Variants in RPS6KA2 observed in about 807,000 individuals in gnomAD.
The protein encoded by RPS6KA2 is ribosomal protein S6 kinase alpha-2.
Under a neutral mutation model 91.8 loss-of-function variants are expected in RPS6KA2, and 42 were observed. That is an observed-to-expected ratio of 0.46 (90% confidence interval 0.36 to 0.59). The LOEUF (loss-of-function observed/expected upper bound fraction) is 0.59, where lower values mean the gene tolerates loss of function less well. Ranked by LOEUF, RPS6KA2 falls within the 20% of genes least tolerant of loss-of-function variation. RPS6KA2 has a pLI of 0.00. For synonymous variants in RPS6KA2, 414 were observed against 393.6 expected (o/e 1.05, Z -0.61); for missense variants, 798 against 978.5 (o/e 0.82, Z 2.46).
chr6:166,633,923 G>C (rs1483483211), intron 2 of RPS6KA2, among the ~76,000 whole-genome samples: 6 of 152,148 alleles, frequency 3.9e-5, no homozygotes, highest in South Asian at 4.1e-4. Context: ...TGGGGAGGGA[G>C]GAAGGACTAG....
At chr6:166,589,953 A>G (rs1206279438) in intron 1 of RPS6KA2, among the ~76,000 whole-genome samples, 1 of 152,182 alleles carries the variant, frequency 6.6e-6, no homozygotes, top group Non-Finnish European at 1.5e-5. Context: ...CAAGTGAGAT[A>G]CACAGAAAAC....
chr6:166,550,113 C>G lies in RPS6KA2; in HGVS notation c.100-11329G>C, dbSNP rs185747189. ...GTAGGAAAAATATTTATGGAAAATACGTCAAGATATTAGAAGTGATAGTAT... is the reference window on the plus strand; with the variant it reads ...GTAGGAAAAATATTTATGGAAAATAGGTCAAGATATTAGAAGTGATAGTAT... On this transcript the variant is annotated intron_variant, in intron 1 of 20. Coordinates refer to ENST00000265678, the MANE Select transcript of RPS6KA2 (RefSeq NM_021135.6). 2.4e-3 allele frequency among the ~76,000 whole-genome samples: 359 copies of G among 152,230 alleles called. 2 individuals carry two copies. Among genetic ancestry groups the G allele is most frequent in the African/African-American group, 6.0e-3 (249 of 41,550 alleles).
chr6:166,759,322 G>A (rs1778106206), intron 2 of RPS6KA2, among the ~76,000 whole-genome samples: 2 of 152,128 alleles, frequency 1.3e-5, no homozygotes, highest in South Asian at 4.1e-4. Context: ...TGGAGCCGTT[G>A]GCAAATATTA....
intron 1 of RPS6KA2, among the ~76,000 whole-genome samples, chr6:166,604,456 T>C (rs894514083): frequency 2.6e-5 from 4 of 151,748 alleles, no homozygotes; most frequent in Non-Finnish European, 5.9e-5. Context: ...CCCAGAGTGG[T>C]GCGTGCTTCC....
At chr6:166,436,546 G>T (rs766817498) in intron 14 of RPS6KA2, among the ~76,000 whole-genome samples, 39 of 152,216 alleles carry the variant, frequency 2.6e-4, no homozygotes, top group Admixed American at 1.3e-4. Context: ...CCCTGACAGG[G>T]GCTGTGGGCA....
intron 2 of RPS6KA2, among the ~76,000 whole-genome samples, chr6:166,775,571 A>AC (rs1778593519): frequency 6.6e-6 from 1 of 151,966 alleles, no homozygotes. Flanking sequence ...GGTTTCCATG[A>AC]CCCCCGACTC....
intron 3 of RPS6KA2, among the ~76,000 whole-genome samples, chr6:166,528,628 AGG>A (rs1783148216): frequency 6.6e-6 from 1 of 151,736 alleles, no homozygotes; most frequent in East Asian, 1.9e-4. Flanking sequence ...CAGAGTCAAC[AGG>A]CAACCTACAG....
chr6:166,592,258 C>A (rs1785379218), intron 1 of RPS6KA2, among the ~76,000 whole-genome samples: 2 of 152,170 alleles, frequency 1.3e-5, no homozygotes, highest in Non-Finnish European at 2.9e-5. Flanking sequence ...GGAGTCCTGG[C>A]CTGCTGAGAG....
intron 1 of RPS6KA2, among the ~76,000 whole-genome samples, chr6:166,542,650 A>G (rs1005541472): frequency 2.0e-5 from 3 of 152,220 alleles, no homozygotes; most frequent in East Asian, 1.9e-4. Flanking sequence ...CAAAATTCCA[A>G]TGACTGCAGG....
intron 1 of RPS6KA2, among the ~76,000 whole-genome samples, chr6:166,581,947 AGGGTG>A (rs1785027664): frequency 5.6e-5 from 3 of 53,332 alleles, no homozygotes; most frequent in African/African-American, 8.4e-5. Context: ...GCACAGGGAG[AGGGTG>A]AGATAGGGTG....
chr6:166,691,240 G>C (rs1789198580), intron 2 of RPS6KA2, among the ~76,000 whole-genome samples: 1 of 152,118 alleles, frequency 6.6e-6, no homozygotes, highest in Non-Finnish European at 1.5e-5. Flanking sequence ...TTGACCTCAG[G>C]AGTTCCTTGG....
intron 2 of RPS6KA2, among the ~76,000 whole-genome samples, chr6:166,644,001 G>C (rs560111251): frequency 6.6e-6 from 1 of 152,216 alleles, no homozygotes; most frequent in East Asian, 1.9e-4. Context: ...ATGGATAGAC[G>C]AGTGAAAGCA....
intron 1 of RPS6KA2, among the ~76,000 whole-genome samples, chr6:166,568,955 CT>C (rs144495496): frequency 2.6e-5 from 4 of 152,032 alleles, no homozygotes; most frequent in Non-Finnish European, 5.9e-5. Context: ...TGAACAAGTA[CT>C]TTTTTTTCCT....
In RPS6KA2 at chr6:166,435,265, T is replaced by C. The variant is rs981666516; in HGVS notation, c.1333-2775A>G. Among the ~76,000 whole-genome samples, 3 of 152,206 alleles carry C rather than the reference T, an allele frequency of 2.0e-5. No individual in the cohort carries two copies. Among genetic ancestry groups the C allele is most frequent in the Non-Finnish European group, 4.4e-5 (3 of 68,032 alleles). On this transcript the variant is annotated intron_variant, in intron 14 of 20. Coordinates refer to ENST00000265678, the MANE Select transcript of RPS6KA2 (RefSeq NM_021135.6). The surrounding 1 kb of genome is among the most constrained non-coding windows in gnomAD (Gnocchi z 4.3). Reference sequence around the variant, plus strand: ...AATGATAAGTATTTGTAAACAGTTTTCAAAGACAGATTACCTTAAACTCTT... The same window carrying C: ...AATGATAAGTATTTGTAAACAGTTTCCAAAGACAGATTACCTTAAACTCTT...
intron 3 of RPS6KA2, among the ~76,000 whole-genome samples, chr6:166,514,482 T>C (rs189329628): frequency 1.3e-5 from 2 of 152,236 alleles, no homozygotes; most frequent in Non-Finnish European, 2.9e-5. Context: ...GGCAGGAGGA[T>C]ACAGGCCAAG....
At position 166,412,653 on chromosome 6, in the gene RPS6KA2, C is replaced by G; in HGVS notation, c.*109G>C. ...ACGGACACGGCGAGGGCGGGCGCCG[C>G]CTCCCTGCTGGACTTGTGGTCACTC... On this transcript the variant is annotated 3_prime_UTR_variant, in exon 21 of 21. Coordinates refer to ENST00000265678, the MANE Select transcript of RPS6KA2 (RefSeq NM_021135.6). This position sits in a 1 kb window ranked among gnomAD's most constrained non-coding sequence, Gnocchi z 4.3. 8.6e-7 allele frequency: 1 copy of G among 1,160,404 alleles called. No homozygotes were observed. Among genetic ancestry groups the G allele is most frequent in the South Asian group, 1.6e-5 (1 of 61,740 alleles). The allele number at this position is 1,160,404 out of a possible 1,614,324, so 71.9% of individuals were successfully genotyped here.
At position 166,615,438 on chromosome 6, in the gene RPS6KA2, T is replaced by C. The variant is rs567384566; in HGVS notation, c.99+11483A>G. ...GGAGTAAGAAAAGCATTTCTGAAGA[T>C]GATTGAAGATATCGGAGGGGATGCC... On this transcript the variant is annotated intron_variant, in intron 1 of 20. Transcript: ENST00000265678. Among the ~76,000 whole-genome samples the C allele has an allele frequency of 1.6e-3, 242 of 152,336 alleles. 1 individual carries two copies. Among genetic ancestry groups the C allele is most frequent in the Admixed American group, 4.3e-3 (66 of 15,308 alleles).
At chr6:166,664,608 C>T (rs938622326) in intron 2 of RPS6KA2, among the ~76,000 whole-genome samples, 6 of 152,120 alleles carry the variant, frequency 3.9e-5, no homozygotes, top group Non-Finnish European at 8.8e-5. Context: ...ATAGAGATTG[C>T]AAAGCTCAAC....
At chr6:166,647,641 G>A (rs899290609) in intron 2 of RPS6KA2, among the ~76,000 whole-genome samples, 1 of 152,064 alleles carries the variant, frequency 6.6e-6, no homozygotes, top group African/African-American at 2.4e-5. Context: ...TTATCCAAAC[G>A]TAGCACATTT....
Sources: allele counts gnomAD v4.1 joint callset (sites outside exome capture counted in the v4.1 genomes callset), GRCh38; gene constraint gnomAD v4.1.1; non-coding constraint Gnocchi (gnomAD v3.1); transcripts MANE v1.5; gene names NCBI Gene and HGNC (gene_info 2026-07-23, HGNC 2026-07-21).